The following MAP2 variants were observed in gnomAD, a reference collection of about 807,000 sequenced individuals.
MAP2 encodes the protein microtubule associated protein 2.
Under a neutral mutation model 137.6 loss-of-function variants are expected in MAP2, and 14 were observed. The ratio of observed to expected loss-of-function variants is 0.10; its 90% CI spans 0.07 to 0.16. The LOEUF is 0.16. Among genes scored for constraint, MAP2 ranks in the 10% least tolerant of loss-of-function variants. The probability of loss-of-function intolerance (pLI) is 1.00; values close to 1 mark genes in which losing one functional copy is unlikely to be tolerated. For synonymous variants in MAP2, 786 were observed against 782.3 expected, an observed-to-expected ratio of 1.00 and a Z score of -0.08; for missense variants, 2,088 against 2,191.5, an observed-to-expected ratio of 0.95 and a Z score of 0.94.
intron 1 of MAP2, among the ~76,000 whole-genome samples, chr2:209,475,767 G>T (rs1707048575): frequency 6.6e-6 from 1 of 152,130 alleles, no homozygotes; most frequent in African/African-American, 2.4e-5. Context: ...TTAACACTAT[G>T]TAATTATGTC....
chr2:209,473,882 A>T (rs545756656), intron 1 of MAP2, among the ~76,000 whole-genome samples: 33 of 152,284 alleles, frequency 2.2e-4, no homozygotes, highest in East Asian at 7.7e-4. Context: ...CATATATTTT[A>T]AAAAAATTAT....
At chr2:209,487,781 T>C (rs2058571102) in intron 1 of MAP2, among the ~76,000 whole-genome samples, 1 of 152,212 alleles carries the variant, frequency 6.6e-6, no homozygotes, top group South Asian at 2.1e-4. Context: ...CATTTTAACC[T>C]TCAAATAACT....
chr2:209,636,477 G>A (rs998904901), intron 4 of MAP2, among the ~76,000 whole-genome samples: 4 of 151,952 alleles, frequency 2.6e-5, no homozygotes, highest in African/African-American at 9.6e-5. Flanking sequence ...CCTGTTTTTG[G>A]AGTGTGAGAA....
chr2:209,637,988 T>A (rs868589066), intron 4 of MAP2, among the ~76,000 whole-genome samples: 10 of 152,290 alleles, frequency 6.6e-5, no homozygotes, highest in Middle Eastern at 3.4e-3. Context: ...TTGCCACATC[T>A]ATTAAGACTT....
At chr2:209,447,369 A>G (rs554951913) in intron 1 of MAP2, among the ~76,000 whole-genome samples, 62 of 152,048 alleles carry the variant, frequency 4.1e-4, no homozygotes, top group Middle Eastern at 3.4e-3. Context: ...TATCTTCTAA[A>G]CTACCTGTTG....
chr2:209,701,226 C>T lies in MAP2; in HGVS notation c.4584+888C>T, dbSNP rs149938641. On this transcript the variant is annotated intron_variant, in intron 11 of 15. Coordinates refer to ENST00000682079, the MANE Select transcript of MAP2 (RefSeq NM_001375505.1). ...GTGTTCATATTTGTTATTATTACTA[C>T]ATATTTTATATTGTTGTTGTATATT... Among the ~76,000 whole-genome samples, 733 of 151,992 alleles carry T rather than the reference C, an allele frequency of 4.8e-3. 5 individuals are homozygous for T. Among genetic ancestry groups the T allele is most frequent in the Non-Finnish European group, 5.6e-3 (380 of 67,916 alleles).
chr2:209,485,145 G>A (rs2058220073), intron 1 of MAP2, among the ~76,000 whole-genome samples: 1 of 152,132 alleles, frequency 6.6e-6, no homozygotes, highest in Non-Finnish European at 1.5e-5. Flanking sequence ...TAGAGGTGAC[G>A]GGCTGACCTT....
At chr2:209,605,944 CAA>C (rs750687256) in intron 3 of MAP2, among the ~76,000 whole-genome samples, 22 of 152,174 alleles carry the variant, frequency 1.4e-4, no homozygotes, top group Non-Finnish European at 2.6e-4. Flanking sequence ...GAAATCAACT[CAA>C]GAGGAAAGAC....
rs60583349 is a variant in MAP2 at position 209,656,547 on chromosome 2, CT to C, written c.262+3121del. Reference sequence around the variant, plus strand: ...ATAATAATAATCTAGATTTTGTCCCCTTTTTTATGATTTAAAACTATCCATA... The same window carrying C: ...ATAATAATAATCTAGATTTTGTCCCCTTTTTATGATTTAAAACTATCCATA... On this transcript the variant is annotated intron_variant, in intron 5 of 15. Coordinates refer to ENST00000682079, the MANE Select transcript of MAP2 (RefSeq NM_001375505.1). Among the ~76,000 whole-genome samples the C allele has an allele frequency of 5.9e-5, 9 of 151,982 alleles. No individual in the cohort carries two copies. In the East Asian group the frequency reaches 9.7e-4, roughly 16 times the overall value.
intron 2 of MAP2, among the ~76,000 whole-genome samples, chr2:209,516,655 A>T (rs1283449997): frequency 6.6e-6 from 1 of 152,164 alleles, no homozygotes; most frequent in African/African-American, 2.4e-5. Context: ...GTTTAACTTG[A>T]CAGGCAACTT....
intron 5 of MAP2, among the ~76,000 whole-genome samples, chr2:209,665,145 C>T (rs1002664033): frequency 1.3e-5 from 2 of 151,944 alleles, no homozygotes; most frequent in Non-Finnish European, 2.9e-5. Context: ...TGGTGGAAGA[C>T]TTGACTTGTT....
Position 209,696,262 on chromosome 2 carries a change from T to C in MAP2, c.4092T>C (p.Tyr1364=). 1 of 1,611,418 alleles carries C rather than the reference T, an allele frequency of 6.2e-7. No homozygotes were observed. The stretch of plus-strand genomic sequence containing the variant: ...GAGAAGAGGTTGCACTTTCTGAATA[T>C]AAGACAGAAACCTATGACGATTACA... ...PEREEVALSE[Y]KTETYDDYKD... Residue 1364 remains tyrosine (Y), a synonymous_variant, in exon 8 of 16, where the codon TAT becomes TAC. Coordinates refer to ENST00000682079, the MANE Select transcript of MAP2 (RefSeq NM_001375505.1).
intron 3 of MAP2, among the ~76,000 whole-genome samples, chr2:209,619,205 A>G (rs113837251): frequency 2.7e-4 from 41 of 152,238 alleles, no homozygotes; most frequent in African/African-American, 9.6e-4. Flanking sequence ...CAAGAGATCT[A>G]TTATACAATA....
chr2:209,590,380 G>GTT lies in MAP2; in HGVS notation c.-107+10280_-107+10281insTT, dbSNP rs1331103432. ...GATGAGATTTCACTCTTGTTGCCCA[G>GTT]GCTGGAGTGCAATGGTGCAATCTCG... On this transcript the variant is annotated intron_variant, in intron 3 of 15. Coordinates refer to ENST00000682079, the MANE Select transcript of MAP2 (RefSeq NM_001375505.1). Among the ~76,000 whole-genome samples the GTT allele has an allele frequency of 1.4e-4, 21 of 152,164 alleles. No homozygotes were observed. The East Asian group carries it at 3.7e-3, about 27-fold the overall frequency.
At chr2:209,645,040 G>A (rs1403001266) in intron 4 of MAP2, among the ~76,000 whole-genome samples, 2 of 152,130 alleles carry the variant, frequency 1.3e-5, no homozygotes, top group Non-Finnish European at 2.9e-5. Flanking sequence ...AAATATGACA[G>A]CTGTACTTTA....
At chr2:209,547,415 T>G (rs545246383) in intron 2 of MAP2, among the ~76,000 whole-genome samples, 103 of 152,312 alleles carry the variant, frequency 6.8e-4, no homozygotes, top group African/African-American at 1.8e-3. Context: ...AGTTGCAATT[T>G]TGTAGTCATC....
chr2:209,595,783 G>A (rs1474785940), intron 3 of MAP2, among the ~76,000 whole-genome samples: 2 of 152,138 alleles, frequency 1.3e-5, no homozygotes, highest in Non-Finnish European at 2.9e-5. Context: ...CCATAAAAAA[G>A]GATGAGTTCA....
chr2:209,532,254 A>T (rs552029731), intron 2 of MAP2, among the ~76,000 whole-genome samples: 1,913 of 151,676 alleles, frequency 0.013, 51 homozygotes, highest in African/African-American at 0.044. Context: ...AAAAAAAAAA[A>T]AAAAGAAGAG....
chr2:209,661,550 G>C, intron 5 of MAP2: 3 of 985,456 alleles, frequency 3.0e-6, no homozygotes, highest in Non-Finnish European at 2.4e-6. Flanking sequence ...GAAGCATCTG[G>C]GCCTGGTGGC....
Sources: gnomAD v4.1 joint callset for allele counts (sites outside exome capture counted in the v4.1 genomes callset) on GRCh38, gnomAD v4.1.1 for gene constraint, MANE v1.5 for transcripts, NCBI Gene and HGNC (gene_info 2026-07-23, HGNC 2026-07-21) for gene names.